The following SLC4A10 variants were observed in gnomAD, a reference collection of about 807,000 sequenced individuals.
SLC4A10 encodes sodium-driven chloride bicarbonate exchanger.
In SLC4A10, 42 loss-of-function variants were observed where a neutral mutation model predicts 137.7. The observed-to-expected ratio is 0.30, with a 90% CI of 0.24 to 0.39. SLC4A10 has a LOEUF of 0.39. Among genes scored for constraint, SLC4A10 ranks in the 10% least tolerant of loss-of-function variants. The probability of loss-of-function intolerance (pLI) is 1.00; values close to 1 mark genes in which losing one functional copy is unlikely to be tolerated. For synonymous variants in SLC4A10, 474 were observed against 464.1 expected, an observed-to-expected ratio of 1.02 and a Z score of -0.27; for missense variants, 925 against 1,355.0, an observed-to-expected ratio of 0.68 and a Z score of 4.98.
intron 15 of SLC4A10, among the ~76,000 whole-genome samples, chr2:161,915,011 A>G (rs576254384): frequency 1.4e-4 from 21 of 152,150 alleles, no homozygotes; most frequent in African/African-American, 5.1e-4. Context: ...CTTTCTGAAT[A>G]ATATCTTTTT....
chr2:161,783,986 A>G (rs1036271690), intron 2 of SLC4A10, among the ~76,000 whole-genome samples: 25 of 152,006 alleles, frequency 1.6e-4, no homozygotes, highest in African/African-American at 5.8e-4. Context: ...ATGGAATCAC[A>G]TGCTGTTATC....
rs73020065 is a variant in SLC4A10, at chr2:161,677,963, T to G, written c.48+53397T>G. ...ATCCTGAAATCACGTGGTCCTTCCTTTCTTCAGCTACCATGCTCATGGGGT... is the reference window on the plus strand; with the variant it reads ...ATCCTGAAATCACGTGGTCCTTCCTGTCTTCAGCTACCATGCTCATGGGGT... On this transcript the variant is annotated intron_variant, in intron 1 of 26. Transcript: ENST00000446997. Among the ~76,000 whole-genome samples the G allele has an allele frequency of 6.6e-3, 1,011 of 152,288 alleles. 11 individuals carry two copies. The highest frequency in any genetic ancestry group is 0.023 in the African/African-American group (963 of 41,566).
intron 26 of SLC4A10, among the ~76,000 whole-genome samples, chr2:161,978,099 A>G (rs1462462717): frequency 6.6e-6 from 1 of 152,178 alleles, no homozygotes; most frequent in Non-Finnish European, 1.5e-5. Context: ...GAAATTGAAA[A>G]GCTTGCCTGG....
At chr2:161,862,176 C>A (rs971481193) in intron 5 of SLC4A10, among the ~76,000 whole-genome samples, 9 of 152,168 alleles carry the variant, frequency 5.9e-5, no homozygotes, top group Non-Finnish European at 1.5e-5. Context: ...TCTGAAATCT[C>A]ACCTTCCAGT....
chr2:161,942,960 A>G (rs1190175438), intron 16 of SLC4A10, 63 bp downstream of exon 16: 1 of 1,340,558 alleles, frequency 7.5e-7, no homozygotes. Context: ...TGACTCAATT[A>G]TTGCCATTAC....
chr2:161,749,678 A>T (rs2048751812), intron 1 of SLC4A10, among the ~76,000 whole-genome samples: 1 of 151,672 alleles, frequency 6.6e-6, no homozygotes, highest in Non-Finnish European at 1.5e-5. Context: ...TTTATTGAGG[A>T]TTCTGCATGT....
chr2:161,682,768 A>G (rs1253999435), intron 1 of SLC4A10, among the ~76,000 whole-genome samples: 2 of 151,542 alleles, frequency 1.3e-5, no homozygotes, highest in Non-Finnish European at 2.9e-5. Flanking sequence ...TAGCCTGAGA[A>G]TCTCTCCCCC....
rs193048866 is a variant in SLC4A10, at chr2:161,822,305, A to G, written c.278-17484A>G. Among the ~76,000 whole-genome samples the G allele has an allele frequency of 9.6e-3, 1,459 of 152,350 alleles. 13 individuals carry two copies. The highest frequency in any genetic ancestry group is 0.034 in the South Asian group (164 of 4,830). On this transcript the variant is annotated intron_variant, in intron 3 of 26. Transcript: ENST00000446997. ...AAACAGTGATGAGAGAAAATGTTTC[A>G]GAGACATGGGGACCCTAATACCAAT...
chr2:161,878,583 A>G (rs1309574264), intron 8 of SLC4A10, among the ~76,000 whole-genome samples: 8 of 152,084 alleles, frequency 5.3e-5, no homozygotes, highest in Non-Finnish European at 1.0e-4. Context: ...AAATTCTCAG[A>G]TGAAAAACCA....
At chr2:161,875,713 G>A (rs562091532) in intron 8 of SLC4A10, among the ~76,000 whole-genome samples, 8 of 152,234 alleles carry the variant, frequency 5.3e-5, no homozygotes, top group South Asian at 2.1e-4. Context: ...AAGAACTTCC[G>A]TCTGCATCTA....
intron 1 of SLC4A10, among the ~76,000 whole-genome samples, chr2:161,719,544 T>C (rs1419389903): frequency 5.9e-5 from 9 of 151,790 alleles, no homozygotes; most frequent in Admixed American, 1.3e-4. Flanking sequence ...CCTATTTCTC[T>C]ACATCCTCTC....
At chr2:161,910,652 T>G (rs1685600280) in intron 15 of SLC4A10, among the ~76,000 whole-genome samples, 1 of 152,108 alleles carries the variant, frequency 6.6e-6, no homozygotes, top group Admixed American at 6.6e-5. Context: ...ATATGTAGGC[T>G]AGAGTGAAAT....
At chr2:161,755,559 C>T (rs1334274141) in intron 1 of SLC4A10, among the ~76,000 whole-genome samples, 1 of 152,276 alleles carries the variant, frequency 6.6e-6, no homozygotes, top group East Asian at 1.9e-4. Context: ...ACCACCCTCT[C>T]TTTTCTCACA....
intron 15 of SLC4A10, among the ~76,000 whole-genome samples, chr2:161,921,134 T>G (rs150895276): frequency 1.7e-3 from 252 of 152,288 alleles, no homozygotes; most frequent in African/African-American, 5.8e-3. Flanking sequence ...CTCAGAAGCA[T>G]TCATAGAAAA....
At chr2:161,831,865 G>A (rs2058455287) in intron 3 of SLC4A10, among the ~76,000 whole-genome samples, 1 of 152,082 alleles carries the variant, frequency 6.6e-6, no homozygotes, top group Non-Finnish European at 1.5e-5. Context: ...AGAGTGATCA[G>A]AACATGAAGA....
At position 161,977,714 on chromosome 2, in the gene SLC4A10, G is replaced by T. The variant is rs1028656582; in HGVS notation, c.3345-8G>T. 7 of 1,596,220 alleles carry T rather than the reference G, an allele frequency of 4.4e-6. No individual in the cohort carries two copies. The highest frequency in any genetic ancestry group is 2.3e-5 in the East Asian group (1 of 44,234). On this transcript the variant is annotated splice_polypyrimidine_tract_variant and splice_region_variant and intron_variant, in intron 25 of 26. Coordinates refer to ENST00000446997, the MANE Select transcript of SLC4A10 (RefSeq NM_001178015.2). ...TACTTAATTTTTATATTACATTTTT[G>T]TCATAAGCTCCCCTTCCTAATCACT...
In SLC4A10 at chr2:161,873,915, G is replaced by T; in HGVS notation, c.859-1G>T. ...CTTAAGTCTGTTAATTATGCGTGCAGGGACTGGGAGGCCAACAAAAGGGGC... is the reference window on the plus strand; with the variant it reads ...CTTAAGTCTGTTAATTATGCGTGCATGGACTGGGAGGCCAACAAAAGGGGC... On this transcript the variant is annotated splice_acceptor_variant, in intron 7 of 26. Transcript: ENST00000446997. LOFTEE classifies it high-confidence loss of function. 1 of 1,592,406 alleles carries T rather than the reference G, an allele frequency of 6.3e-7. No homozygotes were observed. Among genetic ancestry groups the T allele is most frequent in the East Asian group, 2.2e-5 (1 of 44,634 alleles).
At chr2:161,625,944 G>C (rs1488418453) in intron 1 of SLC4A10, among the ~76,000 whole-genome samples, 2 of 152,100 alleles carry the variant, frequency 1.3e-5, no homozygotes, top group South Asian at 2.1e-4. Flanking sequence ...CCTAAAAATA[G>C]AGATATTTCT....
chr2:161,669,767 A>G (rs1295039356), intron 1 of SLC4A10, among the ~76,000 whole-genome samples: 2 of 152,002 alleles, frequency 1.3e-5, no homozygotes, highest in East Asian at 1.9e-4. Context: ...TGTTGCTTCC[A>G]CTGTATACAA....
Sources: gnomAD v4.1 joint callset for allele counts (sites outside exome capture counted in the v4.1 genomes callset) on GRCh38, gnomAD v4.1.1 for gene constraint, MANE v1.5 for transcripts, NCBI Gene and HGNC (gene_info 2026-07-23, HGNC 2026-07-21) for gene names.